Variants in NR2F1-AS1 observed in about 807,000 individuals in gnomAD.
The protein encoded by NR2F1-AS1 is NR2F1 regulatory antisense RNA 1.
At chr5:93,539,255 G>A (rs1751900600) in intron 4 of NR2F1-AS1, among the ~76,000 whole-genome samples, 1 of 152,094 alleles carries the variant, frequency 6.6e-6, no homozygotes, top group East Asian at 1.9e-4. Context: ...TCCAGCCTGG[G>A]TGAAAGAGCA....
At chr5:93,543,753 T>C (rs549738647) in intron 4 of NR2F1-AS1, 1 of 152,344 alleles carries the variant, frequency 6.6e-6, no homozygotes, top group African/African-American at 2.4e-5. Context: ...ATAATTACTG[T>C]TGGCCAGGCA....
chr5:93,551,906 C>T (rs1189399123), intron 4 of NR2F1-AS1, among the ~76,000 whole-genome samples: 1 of 152,080 alleles, frequency 6.6e-6, no homozygotes, highest in African/African-American at 2.4e-5. Context: ...ATGGTGAGAC[C>T]TTGGGAAAGA....
intron 4 of NR2F1-AS1, among the ~76,000 whole-genome samples, chr5:93,466,684 C>G (rs914579892): frequency 6.6e-6 from 1 of 151,868 alleles, no homozygotes; most frequent in Non-Finnish European, 1.5e-5. Flanking sequence ...AAGACAAGTT[C>G]TCTATTAAGA....
At chr5:93,453,255 T>A (rs1269316555) in intron 4 of NR2F1-AS1, among the ~76,000 whole-genome samples, 1 of 151,660 alleles carries the variant, frequency 6.6e-6, no homozygotes, top group Non-Finnish European at 1.5e-5. Context: ...AAATAGAAGC[T>A]ACCCAGAACA....
At chr5:93,419,145 T>C (rs1486129715) in intron 4 of NR2F1-AS1, among the ~76,000 whole-genome samples, 2 of 152,158 alleles carry the variant, frequency 1.3e-5, no homozygotes, top group Non-Finnish European at 2.9e-5. Context: ...TTATGGACCA[T>C]CCATACTCGG....
intron 4 of NR2F1-AS1, among the ~76,000 whole-genome samples, chr5:93,470,124 T>C (rs1374596461): frequency 1.3e-5 from 2 of 151,958 alleles, no homozygotes; most frequent in Admixed American, 6.6e-5. Context: ...GCAGAAAACT[T>C]TTCTGCTTTT....
rs557773692 is a variant in NR2F1-AS1 at position 93,512,196 on chromosome 5, C to T, written n.638+41565G>A. 3.9e-5 allele frequency among the ~76,000 whole-genome samples: 6 copies of T among 152,080 alleles called. 1 individual carries two copies. Among genetic ancestry groups the T allele is most frequent in the African/African-American group, 9.6e-5 (4 of 41,502 alleles). On this transcript the variant is annotated intron_variant and non_coding_transcript_variant, in intron 4 of 5. Transcript: ENST00000660523. Reference sequence around the variant, plus strand: ...GGACAAGATGTGGGATGGAAGACAACGATATTGATGATCCTAACCATGGGT... The same window carrying T: ...GGACAAGATGTGGGATGGAAGACAATGATATTGATGATCCTAACCATGGGT...
intron 1 of NR2F1-AS1, among the ~76,000 whole-genome samples, chr5:93,574,221 G>A (rs185913961): frequency 4.7e-4 from 68 of 145,956 alleles, no homozygotes; most frequent in African/African-American, 1.8e-3. Context: ...GTGAGCAGCC[G>A]ATATCTGGGG....
chr5:93,458,480 T>C (rs1471240719), intron 4 of NR2F1-AS1, among the ~76,000 whole-genome samples: 1 of 152,136 alleles, frequency 6.6e-6, no homozygotes, highest in Admixed American at 6.5e-5. Flanking sequence ...CATCCACCTT[T>C]TATAGTGTAA....
chr5:93,552,776 G>C (rs1404910393), intron 4 of NR2F1-AS1, among the ~76,000 whole-genome samples: 1 of 151,482 alleles, frequency 6.6e-6, no homozygotes, highest in Non-Finnish European at 1.5e-5. Flanking sequence ...GAATAAAGAG[G>C]GCCAAAGCAA....
At chr5:93,444,455 G>A (rs1042724599) in intron 4 of NR2F1-AS1, among the ~76,000 whole-genome samples, 2 of 152,036 alleles carry the variant, frequency 1.3e-5, no homozygotes, top group Non-Finnish European at 1.5e-5. Flanking sequence ...GACAAACAAG[G>A]CCATTATATA....
At chr5:93,445,876 G>C (rs1452833552) in intron 4 of NR2F1-AS1, among the ~76,000 whole-genome samples, 5 of 152,122 alleles carry the variant, frequency 3.3e-5, no homozygotes, top group Admixed American at 3.3e-4. Context: ...TTCATCCCTG[G>C]GATGCAAGGC....
At chr5:93,432,342 C>A (rs999510958) in intron 4 of NR2F1-AS1, 136 of 152,128 alleles carry the variant, frequency 8.9e-4, no homozygotes, top group African/African-American at 3.2e-3. Context: ...TCTATATTTG[C>A]TGCATATTTT....
At chr5:93,584,269 G>C (rs1753183107), upstream of NR2F1-AS1, 1 of 149,276 alleles carries the variant, frequency 6.7e-6, no homozygotes, top group Non-Finnish European at 1.5e-5. Context: ...GCTCGCCGCA[G>C]CAGCTCCGGC....
At chr5:93,493,404 A>C (rs1447010117) in intron 4 of NR2F1-AS1, among the ~76,000 whole-genome samples, 2 of 152,030 alleles carry the variant, frequency 1.3e-5, no homozygotes, top group Non-Finnish European at 2.9e-5. Context: ...AGAAACTTTA[A>C]AAGACCTAAA....
At chr5:93,581,914 C>G (rs1753094156), upstream of NR2F1-AS1, among the ~76,000 whole-genome samples, 3 of 116,418 alleles carry the variant, frequency 2.6e-5, no homozygotes, top group South Asian at 1.2e-3. Context: ...CTGGGTCTCT[C>G]TCTCTCTCTC....
At chr5:93,498,435 C>T (rs910566399) in intron 4 of NR2F1-AS1, among the ~76,000 whole-genome samples, 4 of 152,034 alleles carry the variant, frequency 2.6e-5, no homozygotes, top group Non-Finnish European at 4.4e-5. Flanking sequence ...CATACTTTTA[C>T]AAAATTCTTA....
At chr5:93,480,550 C>T (rs1422166873) in intron 4 of NR2F1-AS1, among the ~76,000 whole-genome samples, 1 of 151,984 alleles carries the variant, frequency 6.6e-6, no homozygotes, top group Admixed American at 6.6e-5. Context: ...TAAAGCCATA[C>T]AATGAAATAA....
chr5:93,555,816 TA>T lies in NR2F1-AS1; in HGVS notation n.414-822del, dbSNP rs1235246323. Among the ~76,000 whole-genome samples, 35 of 152,286 alleles carry T rather than the reference TA, an allele frequency of 2.3e-4. 1 individual carries two copies. The South Asian group carries it at 7.0e-3, about 31-fold the overall frequency. ...ACTGTTTATGTAATATAATCTCAATTAAAAAGTGGCAGGAATTTGACACAGG... is the reference window on the plus strand; with the variant it reads ...ACTGTTTATGTAATATAATCTCAATTAAAAGTGGCAGGAATTTGACACAGG... On this transcript the variant is annotated intron_variant and non_coding_transcript_variant, in intron 2 of 5. Transcript: ENST00000660523.
Sources: allele counts gnomAD v4.1 joint callset (sites outside exome capture counted in the v4.1 genomes callset), GRCh38; gene constraint gnomAD v4.1.1; transcripts MANE v1.5; gene names NCBI Gene and HGNC (gene_info 2026-07-23, HGNC 2026-07-21).